FYN: variants seen among roughly 807,000 people sequenced by gnomAD.
The protein encoded by FYN is FYN proto-oncogene, Src family tyrosine kinase, also known as tyrosine-protein kinase Fyn.
In FYN, 10 loss-of-function variants were observed where a neutral mutation model predicts 70.2. The ratio of observed to expected loss-of-function variants is 0.14; its 90% CI spans 0.09 to 0.24. FYN has a LOEUF of 0.24. Among genes scored for constraint, FYN ranks in the 10% least tolerant of loss-of-function variants. The probability of loss-of-function intolerance (pLI) is 1.00; values close to 1 mark genes in which losing one functional copy is unlikely to be tolerated. For missense variants in FYN, 319 were observed against 673.1 expected, an observed-to-expected ratio of 0.47 and a Z score of 5.82; for synonymous variants, 236 against 248.6, an observed-to-expected ratio of 0.95 and a Z score of 0.48.
intron 2 of FYN, among the ~76,000 whole-genome samples, chr6:111,841,798 AT>A (rs1266862381): frequency 1.3e-5 from 2 of 150,308 alleles, no homozygotes; most frequent in Non-Finnish European, 3.0e-5. Context: ...TTTTTTGGAA[AT>A]TCAAATTGGC....
chr6:111,781,961 C>T (rs1771191000), intron 2 of FYN, among the ~76,000 whole-genome samples: 1 of 152,094 alleles, frequency 6.6e-6, no homozygotes. Context: ...CTATTAAGGA[C>T]AAATAGCTAA....
chr6:111,753,219 T>G (rs1368518156), intron 3 of FYN, among the ~76,000 whole-genome samples: 2 of 152,206 alleles, frequency 1.3e-5, no homozygotes, highest in African/African-American at 4.8e-5. Flanking sequence ...ATAGGAGGAA[T>G]AGTCATGCCA....
intron 2 of FYN, among the ~76,000 whole-genome samples, chr6:111,794,655 A>G (rs1453523305): frequency 1.3e-5 from 2 of 152,198 alleles, no homozygotes; most frequent in African/African-American, 4.8e-5. Flanking sequence ...ACACATGGAG[A>G]TTATACAAAA....
chr6:111,828,801 C>T (rs1772919856), intron 2 of FYN, among the ~76,000 whole-genome samples: 1 of 152,142 alleles, frequency 6.6e-6, no homozygotes, highest in Admixed American at 6.5e-5. Flanking sequence ...TTAAGTTTTC[C>T]AAGATGTAGT....
chr6:111,868,942 G>A (rs1774192139), intron 1 of FYN, among the ~76,000 whole-genome samples: 1 of 152,198 alleles, frequency 6.6e-6, no homozygotes, highest in African/African-American at 2.4e-5. Flanking sequence ...AGTAGACCGT[G>A]AACTTCTGAA....
chr6:111,699,119 G>GA (rs1293482290), intron 9 of FYN, among the ~76,000 whole-genome samples: 2 of 152,138 alleles, frequency 1.3e-5, no homozygotes, highest in Non-Finnish European at 1.5e-5. Flanking sequence ...TTTTACAGAT[G>GA]AAAAAACTGA....
intron 3 of FYN, among the ~76,000 whole-genome samples, chr6:111,752,646 G>T (rs2128488245): frequency 6.6e-6 from 1 of 152,350 alleles, no homozygotes; most frequent in South Asian, 2.1e-4. Flanking sequence ...TAGGGTCTGA[G>T]TGGGGAGGCA....
At chr6:111,720,103 C>A in intron 3 of FYN, 41 bp from the exon 4 acceptor site, 1 of 1,545,900 alleles carries the variant, frequency 6.5e-7, no homozygotes, top group South Asian at 1.3e-5. Flanking sequence ...CTGGGATGCT[C>A]CCTAGTTGCT....
chr6:111,721,550 C>A (rs144927283), intron 3 of FYN, among the ~76,000 whole-genome samples: 1 of 152,056 alleles, frequency 6.6e-6, no homozygotes. Context: ...ATTACAGGTG[C>A]CTGCCACCAC....
In FYN at chr6:111,661,959, A is replaced by G; in HGVS notation, c.1406-12T>C. On this transcript the variant is annotated splice_polypyrimidine_tract_variant and intron_variant, in intron 13 of 13. Transcript: ENST00000354650. The surrounding 1 kb of genome is among the most constrained non-coding windows in gnomAD (Gnocchi z 4.0). ...CCGGTTGTTCATGCCTGCAAAGACA[A>G]GCGCAGTGAGAGTGGGCACCCCGGG... 6.3e-7 allele frequency: 1 copy of G among 1,592,034 alleles called. No individual in the cohort carries two copies. The highest frequency in any genetic ancestry group is 1.3e-5 in the African/African-American group (1 of 74,530).
chr6:111,716,645 T>A (rs994929449), intron 4 of FYN, among the ~76,000 whole-genome samples: 1 of 147,822 alleles, frequency 6.8e-6, no homozygotes, highest in Non-Finnish European at 1.5e-5. Flanking sequence ...AAACATAACC[T>A]CTGTATATTA....
intron 2 of FYN, among the ~76,000 whole-genome samples, chr6:111,789,434 T>C (rs1259482446): frequency 2.6e-5 from 4 of 152,174 alleles, no homozygotes; most frequent in African/African-American, 9.7e-5. Context: ...ATAGTAGTAG[T>C]AGCAGCAGTA....
intron 3 of FYN, among the ~76,000 whole-genome samples, chr6:111,736,309 A>G (rs764981732): frequency 1.1e-4 from 17 of 152,218 alleles, no homozygotes; most frequent in African/African-American, 2.4e-4. Flanking sequence ...ATATAATATT[A>G]ACACATTCTT....
rs907335685 is a variant in FYN at position 111,721,923 on chromosome 6, A to C, written c.-11-1861T>G. Among the ~76,000 whole-genome samples the C allele has an allele frequency of 5.9e-5, 9 of 152,194 alleles. No homozygotes were observed. In the East Asian group the frequency reaches 1.7e-3, roughly 29 times the overall value. On this transcript the variant is annotated intron_variant, in intron 3 of 13. Transcript: ENST00000354650. ...TTGGGACCAAAGAATCACATAAGAAACACATGCCATCATGTGTAATAACAT... is the reference window on the plus strand; with the variant it reads ...TTGGGACCAAAGAATCACATAAGAACCACATGCCATCATGTGTAATAACAT...
chr6:111,700,017 G>A (rs949971977), intron 9 of FYN, 87 bp downstream of exon 9: 31 of 1,193,332 alleles, frequency 2.6e-5, no homozygotes, highest in Middle Eastern at 2.0e-4. Context: ...TCCCGGTCAC[G>A]CAGTCTTTAT....
At chr6:111,802,918 G>T (rs568779834) in intron 2 of FYN, among the ~76,000 whole-genome samples, 2 of 152,292 alleles carry the variant, frequency 1.3e-5, no homozygotes, top group South Asian at 4.1e-4. Flanking sequence ...CTGGGAAAAA[G>T]TCCTAGATTT....
intron 1 of FYN, among the ~76,000 whole-genome samples, chr6:111,861,204 C>T (rs181865938): frequency 1.2e-4 from 18 of 152,280 alleles, no homozygotes; most frequent in Middle Eastern, 3.4e-3. Flanking sequence ...AATAAATGCA[C>T]AGTGTAGTAT....
chr6:111,800,072 C>T (rs1771936656), intron 2 of FYN, among the ~76,000 whole-genome samples: 1 of 152,088 alleles, frequency 6.6e-6, no homozygotes, highest in Non-Finnish European at 1.5e-5. Context: ...CTTTAAAATG[C>T]TTGTTGATGC....
rs151336413 is a variant in FYN at position 111,661,775 on chromosome 6, C to T, written c.1578G>A (p.Ala526=). The T allele has an allele frequency of 2.9e-5, 47 of 1,614,126 alleles. No individual in the cohort carries two copies. The highest frequency in any genetic ancestry group is 1.3e-4 in the African/African-American group (10 of 75,028). Residue 526 remains alanine (A), a synonymous_variant, in exon 14 of 14, where the codon GCG becomes GCA. Coordinates refer to ENST00000354650, the MANE Select transcript of FYN (RefSeq NM_002037.5). This position sits in a 1 kb window ranked among gnomAD's most constrained non-coding sequence, Gnocchi z 4.0. ...CACCAGGTTGGTACTGGGGCTCTGT[C>T]GCGGTAAAGTAGTCTTCCAGGAAGC... The part of the protein sequence containing the change: ...LQSFLEDYFT[A]TEPQYQPGEN...
Sources: allele counts gnomAD v4.1 joint callset (sites outside exome capture counted in the v4.1 genomes callset), GRCh38; gene constraint gnomAD v4.1.1; non-coding constraint Gnocchi (gnomAD v3.1); transcripts MANE v1.5; gene names NCBI Gene and HGNC (gene_info 2026-07-23, HGNC 2026-07-21).